PDE4D: variants seen among roughly 807,000 people sequenced by gnomAD.
PDE4D encodes the protein phosphodiesterase 4D, also known as 3',5'-cyclic-AMP phosphodiesterase 4D.
In PDE4D, 24 loss-of-function variants were observed where a neutral mutation model predicts 87.4. That is an observed-to-expected ratio of 0.27 (90% CI 0.20 to 0.39). The LOEUF (loss-of-function observed/expected upper bound fraction) is 0.39, where lower values mean the gene tolerates loss of function less well. Among genes scored for constraint, PDE4D ranks in the 10% least tolerant of loss-of-function variants. PDE4D has a pLI of 1.00. For synonymous variants in PDE4D, 384 were observed against 383.2 expected, an observed-to-expected ratio of 1.00 and a Z score of -0.02; for missense variants, 714 against 1,041.0, an observed-to-expected ratio of 0.69 and a Z score of 4.32.
chr5:59,699,887 G>A (rs1752315188), intron 1 of PDE4D, among the ~76,000 whole-genome samples: 1 of 152,110 alleles, frequency 6.6e-6, no homozygotes, highest in Non-Finnish European at 1.5e-5. Flanking sequence ...CTACTAGTTA[G>A]ATCCAATTTA....
At chr5:59,758,919 C>T (rs1350036382) in intron 1 of PDE4D, among the ~76,000 whole-genome samples, 2 of 151,966 alleles carry the variant, frequency 1.3e-5, no homozygotes, top group Non-Finnish European at 1.5e-5. Flanking sequence ...AACCATATGA[C>T]TTATTAATAG....
At chr5:60,052,125 G>A (rs996981276) in intron 2 of PDE4D, among the ~76,000 whole-genome samples, 1 of 152,142 alleles carries the variant, frequency 6.6e-6, no homozygotes, top group Non-Finnish European at 1.5e-5. Flanking sequence ...AGAGGAGCTG[G>A]TACCATTCCT....
intron 1 of PDE4D, among the ~76,000 whole-genome samples, chr5:59,450,405 G>A (rs1798963647): frequency 6.6e-6 from 1 of 152,018 alleles, no homozygotes; most frequent in African/African-American, 2.4e-5. Context: ...AAGGAACCTG[G>A]TGGGTCAGCA....
chr5:59,661,114 T>G (rs1426095372), intron 1 of PDE4D, among the ~76,000 whole-genome samples: 1 of 146,214 alleles, frequency 6.8e-6, no homozygotes, highest in Non-Finnish European at 1.5e-5. Context: ...ATCTAGCTCC[T>G]CCAGTGATAC....
intron 1 of PDE4D, among the ~76,000 whole-genome samples, chr5:59,789,744 G>A (rs1019304719): frequency 5.9e-5 from 9 of 152,114 alleles, no homozygotes; most frequent in African/African-American, 1.7e-4. Context: ...TTAATGGCTG[G>A]CATCTTTACT....
chr5:58,991,865 TCCAA>T lies in PDE4D; in HGVS notation c.1151_1154del (p.Phe384Ter). 6.4e-7 allele frequency: 1 copy of T among 1,559,086 alleles called. No individual in the cohort carries two copies. Among genetic ancestry groups the T allele is most frequent in the Admixed American group, 1.9e-5 (1 of 52,384 alleles). On this transcript the variant is annotated frameshift_variant, in exon 8 of 15. Transcript: ENST00000340635. LOFTEE classifies it high-confidence loss of function. ...GGACATCTTCTTGTTCAGTTTTAAC[TCCAA>T]ACCTTGGGATACTTGAATTAGTCAG... is the stretch of plus-strand genomic sequence containing the variant.
intron 5 of PDE4D, among the ~76,000 whole-genome samples, chr5:59,041,900 G>T (rs1759750003): frequency 6.6e-6 from 1 of 152,122 alleles, no homozygotes; most frequent in Non-Finnish European, 1.5e-5. Flanking sequence ...TTTATACACA[G>T]GATTTGTTCT....
At chr5:60,132,613 A>G (rs796196736) in intron 2 of PDE4D, among the ~76,000 whole-genome samples, 8 of 152,350 alleles carry the variant, frequency 5.3e-5, no homozygotes, top group African/African-American at 1.9e-4. Context: ...TTGACAATAC[A>G]CAAGATACTT....
chr5:59,722,445 T>A (rs574873322), intron 1 of PDE4D, among the ~76,000 whole-genome samples: 1 of 152,312 alleles, frequency 6.6e-6, no homozygotes, highest in Admixed American at 6.5e-5. Context: ...TTCTAGAACC[T>A]TTGCAAATCT....
intron 3 of PDE4D, among the ~76,000 whole-genome samples, chr5:59,985,965 T>C (rs1393756408): frequency 6.6e-6 from 1 of 152,220 alleles, no homozygotes; most frequent in Non-Finnish European, 1.5e-5. Context: ...TTGTACTTGA[T>C]TCTTAAATCT....
intron 1 of PDE4D, among the ~76,000 whole-genome samples, chr5:59,233,836 A>G (rs1581518545): frequency 6.6e-6 from 1 of 152,198 alleles, no homozygotes; most frequent in South Asian, 2.1e-4. Flanking sequence ...CTCATCAACT[A>G]CCTACTCTAG....
chr5:59,844,711 C>T (rs1401849223), intron 1 of PDE4D, among the ~76,000 whole-genome samples: 1 of 152,056 alleles, frequency 6.6e-6, no homozygotes, highest in Non-Finnish European at 1.5e-5. Context: ...ATCTCCTTCT[C>T]TTATATGTGA....
intron 1 of PDE4D, among the ~76,000 whole-genome samples, chr5:60,185,953 GAT>G (rs1784748542): frequency 7.3e-6 from 1 of 137,360 alleles, no homozygotes; most frequent in East Asian, 2.1e-4. Flanking sequence ...AAAAAAAACA[GAT>G]ATGATAGCCA....
intron 1 of PDE4D, among the ~76,000 whole-genome samples, chr5:59,682,023 T>C (rs1749110115): frequency 6.6e-6 from 1 of 152,078 alleles, no homozygotes; most frequent in Non-Finnish European, 1.5e-5. Flanking sequence ...CCCTTGATCC[T>C]GAACTTCTCA....
intron 2 of PDE4D, among the ~76,000 whole-genome samples, chr5:60,169,850 A>G (rs1562178233): frequency 6.6e-6 from 1 of 152,052 alleles, no homozygotes; most frequent in South Asian, 2.1e-4. Context: ...TAAATCCATT[A>G]ATTTCCATTC....
Position 59,216,187 on chromosome 5 carries a change from G to T in PDE4D, c.456-219C>A, listed in dbSNP as rs371642264. 1.1e-4 allele frequency among the ~76,000 whole-genome samples: 16 copies of T among 152,314 alleles called. No individual in the cohort carries two copies. In the East Asian group the frequency reaches 2.3e-3, roughly 22 times the overall value. On this transcript the variant is annotated intron_variant, in intron 1 of 14. Coordinates refer to ENST00000340635, the MANE Select transcript of PDE4D (RefSeq NM_001104631.2). ...CCTGGATACTGTTGTTAACTGACCAGATACAAGATACAGGTTTTTCCAAAC... is the reference window on the plus strand; with the variant it reads ...CCTGGATACTGTTGTTAACTGACCATATACAAGATACAGGTTTTTCCAAAC...
chr5:59,274,898 G>A (rs2153543381), intron 1 of PDE4D, among the ~76,000 whole-genome samples: 1 of 152,170 alleles, frequency 6.6e-6, no homozygotes, highest in African/African-American at 2.4e-5. Context: ...TGTTTCATGT[G>A]TATGATTAAA....
chr5:60,447,053 T>C (rs1433314641), intron 1 of PDE4D, among the ~76,000 whole-genome samples: 1 of 152,118 alleles, frequency 6.6e-6, no homozygotes, highest in East Asian at 1.9e-4. Context: ...AATGTGGTGA[T>C]TGTTCTGGTG....
chr5:60,089,267 C>T (rs994429939), intron 2 of PDE4D, among the ~76,000 whole-genome samples: 3 of 151,948 alleles, frequency 2.0e-5, no homozygotes, highest in East Asian at 3.8e-4. Context: ...ATGGAACATT[C>T]TCTAGGATAG....
Sources: allele counts gnomAD v4.1 joint callset (sites outside exome capture counted in the v4.1 genomes callset), GRCh38; gene constraint gnomAD v4.1.1; transcripts MANE v1.5; gene names NCBI Gene and HGNC (gene_info 2026-07-23, HGNC 2026-07-21).